The following CNIH3 variants were observed in gnomAD, a reference collection of about 807,000 sequenced individuals.
CNIH3 encodes cornichon family AMPA receptor auxiliary protein 3, also known as protein cornichon homolog 3.
CNIH3 carries 14 observed loss-of-function variants against 24.1 expected under a neutral mutation model. That is an observed-to-expected ratio of 0.58 (90% confidence interval 0.38 to 0.91). The LOEUF is 0.91. Among genes scored for constraint, CNIH3 ranks in the 40% least tolerant of loss-of-function variants. CNIH3 has a pLI of 0.00. For missense variants in CNIH3, 178 were observed against 196.8 expected, an observed-to-expected ratio of 0.90 and a Z score of 0.57; for synonymous variants, 68 against 73.8, an observed-to-expected ratio of 0.92 and a Z score of 0.40.
chr1:224,511,549 T>C (rs563488994), upstream of CNIH3, among the ~76,000 whole-genome samples: 2 of 152,330 alleles, frequency 1.3e-5, no homozygotes, highest in African/African-American at 4.8e-5. Flanking sequence ...TCCTTCTTTC[T>C]TCCTAAATAA....
chr1:224,530,438 A>G (rs1249276301), intron 2 of CNIH3, among the ~76,000 whole-genome samples: 1 of 152,136 alleles, frequency 6.6e-6, no homozygotes. Context: ...AGAGCTTAGG[A>G]ACCACTTTCA....
intron 2 of CNIH3, among the ~76,000 whole-genome samples, chr1:224,543,610 C>T (rs934385274): frequency 1.3e-5 from 2 of 152,092 alleles, no homozygotes; most frequent in Non-Finnish European, 2.9e-5. Context: ...TTGCATTACA[C>T]CACCTGCTTA....
At chr1:224,506,642 G>A (rs1017657653) in intron 1 of CNIH3, among the ~76,000 whole-genome samples, 8 of 152,326 alleles carry the variant, frequency 5.3e-5, no homozygotes, top group African/African-American at 1.9e-4. Context: ...AACAATGTGA[G>A]ATCAGAAGGG....
intron 1 of CNIH3, among the ~76,000 whole-genome samples, chr1:224,672,187 T>C (rs79676902): frequency 0.06 from 9,094 of 152,086 alleles, 320 homozygotes; most frequent in East Asian, 0.11. Context: ...TAGAATTGTA[T>C]TCTGAGCGTG....
chr1:224,633,013 T>C, intron 1 of CNIH3, among the ~76,000 whole-genome samples: 1 of 152,050 alleles, frequency 6.6e-6, no homozygotes, highest in Non-Finnish European at 1.5e-5. Context: ...ACATCTAAGA[T>C]CCTACCAGTC....
chr1:224,596,647 T>C lies in CNIH3; in HGVS notation n.402+30383T>C, dbSNP rs1681991498. On this transcript the variant is annotated intron_variant and non_coding_transcript_variant, in intron 3 of 7. Transcript: ENST00000478120. Reference sequence around the variant, plus strand: ...GGGCAATGTAAATTGAAAACTGTTTTGTATATGTTTTTGTCTATGGTTCCT... The same window carrying C: ...GGGCAATGTAAATTGAAAACTGTTTCGTATATGTTTTTGTCTATGGTTCCT... 2.0e-5 allele frequency among the ~76,000 whole-genome samples: 3 copies of C among 152,356 alleles called. No individual in the cohort carries two copies. The South Asian group carries it at 6.2e-4, about 32-fold the overall frequency.
At chr1:224,719,755 A>G (rs530511876) in intron 3 of CNIH3, among the ~76,000 whole-genome samples, 1 of 152,328 alleles carries the variant, frequency 6.6e-6, no homozygotes, top group Admixed American at 6.5e-5. Flanking sequence ...CTACAGCCCA[A>G]GTTTCTTGTT....
At chr1:224,472,134 G>A (rs937376978) in intron 1 of CNIH3, among the ~76,000 whole-genome samples, 1 of 151,644 alleles carries the variant, frequency 6.6e-6, no homozygotes, top group African/African-American at 2.4e-5. Flanking sequence ...TTGTTTTTTT[G>A]AGGAACCTCC....
chr1:224,593,096 G>A (rs1188777889), downstream of CNIH3, among the ~76,000 whole-genome samples: 1 of 151,844 alleles, frequency 6.6e-6, no homozygotes, highest in Non-Finnish European at 1.5e-5. Context: ...TGTGGCTAGA[G>A]GTTCTCCCCA....
intron 1 of CNIH3, among the ~76,000 whole-genome samples, chr1:224,466,650 G>A (rs899943330): frequency 6.6e-6 from 1 of 152,154 alleles, no homozygotes; most frequent in African/African-American, 2.4e-5. Context: ...TATGGTAAGT[G>A]CACTTTTAGT....
chr1:224,516,741 C>T (rs1340744675), intron 1 of CNIH3, among the ~76,000 whole-genome samples: 4 of 152,212 alleles, frequency 2.6e-5, no homozygotes, highest in Non-Finnish European at 4.4e-5. Flanking sequence ...GACAGAACAG[C>T]GCTGAACAGA....
chr1:224,593,669 T>G (rs1374569679), intron 3 of CNIH3, among the ~76,000 whole-genome samples: 1 of 152,146 alleles, frequency 6.6e-6, no homozygotes, highest in Non-Finnish European at 1.5e-5. Flanking sequence ...CACAAATAGG[T>G]AAAATTATTG....
At chr1:224,656,549 G>A (rs578249244) in intron 1 of CNIH3, among the ~76,000 whole-genome samples, 29 of 151,900 alleles carry the variant, frequency 1.9e-4, no homozygotes, top group African/African-American at 6.5e-4. Flanking sequence ...GGCGGGCGGC[G>A]GGGGGGCGGT....
exon 1 of CNIH3, chr1:224,434,798 G>A (rs1674566868): frequency 2.0e-6 from 2 of 986,328 alleles, no homozygotes; most frequent in Admixed American, 6.2e-5. Flanking sequence ...GCTGCCTAAT[G>A]GAGTCCAGGC....
In CNIH3 at chr1:224,685,294, T is replaced by G. The variant is rs143619701; in HGVS notation, c.198+451T>G. On this transcript the variant is annotated intron_variant, in intron 3 of 5. Coordinates refer to ENST00000272133, the MANE Select transcript of CNIH3 (RefSeq NM_152495.2). Reference sequence around the variant, plus strand: ...TGCAATTTGATTGTCAGCATCACTGTAAGTGCTGGATGGGTGGGATGAGGC... The same window carrying G: ...TGCAATTTGATTGTCAGCATCACTGGAAGTGCTGGATGGGTGGGATGAGGC... Among the ~76,000 whole-genome samples the G allele has an allele frequency of 5.7e-3, 874 of 152,244 alleles. 8 individuals are homozygous for G. Among genetic ancestry groups the G allele is most frequent in the African/African-American group, 0.019 (808 of 41,536 alleles).
intron 5 of CNIH3, among the ~76,000 whole-genome samples, chr1:224,734,986 G>A (rs1689521948): frequency 6.6e-6 from 1 of 152,158 alleles, no homozygotes; most frequent in African/African-American, 2.4e-5. Context: ...GGAGATAACT[G>A]GTGAAGTGCA....
At chr1:224,510,608 AC>A (rs142691118) in intron 1 of CNIH3, among the ~76,000 whole-genome samples, 12,576 of 99,776 alleles carry the variant, frequency 0.13, 610 homozygotes, top group African/African-American at 0.16. Flanking sequence ...AAAAAAAAAA[AC>A]AAAAAAAAAA....
At chr1:224,664,466 A>G (rs1341588790) in intron 1 of CNIH3, among the ~76,000 whole-genome samples, 1 of 152,192 alleles carries the variant, frequency 6.6e-6, no homozygotes, top group Non-Finnish European at 1.5e-5. Context: ...CTCCTCCATC[A>G]AATATTTTTG....
chr1:224,467,344 C>G (rs1347700478), intron 1 of CNIH3, among the ~76,000 whole-genome samples: 1 of 151,952 alleles, frequency 6.6e-6, no homozygotes, highest in African/African-American at 2.4e-5. Flanking sequence ...TCTTTTCATT[C>G]TCTTAACAGG....
Sources: gnomAD v4.1 joint callset for allele counts (sites outside exome capture counted in the v4.1 genomes callset) on GRCh38, gnomAD v4.1.1 for gene constraint, MANE v1.5 for transcripts, NCBI Gene and HGNC (gene_info 2026-07-23, HGNC 2026-07-21) for gene names.